Variants in KCNH3 observed in about 807,000 individuals in gnomAD.
KCNH3 encodes potassium voltage-gated channel subfamily H member 3.
In KCNH3, 36 loss-of-function variants were observed where a neutral mutation model predicts 95.6. The observed-to-expected ratio is 0.38, with a 90% CI of 0.29 to 0.50. The LOEUF is 0.50. Ranked by LOEUF, KCNH3 falls within the 20% of genes least tolerant of loss-of-function variation. KCNH3 has a pLI of 0.95. For missense variants in KCNH3, 1,030 were observed against 1,484.1 expected, an observed-to-expected ratio of 0.69 and a Z score of 5.03; for synonymous variants, 620 against 646.3, an observed-to-expected ratio of 0.96 and a Z score of 0.62.
At chr12:49,552,095 A>G (rs1938283643) in intron 10 of KCNH3, among the ~76,000 whole-genome samples, 1 of 152,240 alleles carries the variant, frequency 6.6e-6, no homozygotes, top group African/African-American at 2.4e-5. Context: ...AGTTAAGTGT[A>G]GCTGGCAATC....
At chr12:49,555,058 G>T (rs17123778) in intron 11 of KCNH3, among the ~76,000 whole-genome samples, 1 of 152,110 alleles carries the variant, frequency 6.6e-6, no homozygotes, top group Non-Finnish European at 1.5e-5. Context: ...ACCTGGTAGA[G>T]GAGTGGTGGT....
rs1565772413 is a variant in KCNH3, at chr12:49,539,682, G to C, written c.76+190G>C. Among the ~76,000 whole-genome samples, 2 of 152,156 alleles carry C rather than the reference G, an allele frequency of 1.3e-5. No homozygotes were observed. Among genetic ancestry groups the C allele is most frequent in the African/African-American group, 2.4e-5 (1 of 41,426 alleles). ...TTTCCCCGAAGGTTCGAAGGTTCGG[G>C]GTCAACACTGCTTCAGGCGAGGCAA... On this transcript the variant is annotated intron_variant, in intron 1 of 14. Transcript: ENST00000257981. The surrounding 1 kb of genome is among the most constrained non-coding windows in gnomAD (Gnocchi z 6.7).
In KCNH3 at chr12:49,539,300, C is replaced by T. The variant is rs1297787052; in HGVS notation, c.-117C>T. ...GGATCCCGGTCTGCGCATTGCCCCC[C>T]GACGGCTGCGCTAGGGAGCGCGGGG... On this transcript the variant is annotated 5_prime_UTR_variant, in exon 1 of 15. An upstream open reading frame in the 5' UTR gains an earlier in-frame stop. Transcript: ENST00000257981. This position sits in a 1 kb window ranked among gnomAD's most constrained non-coding sequence, Gnocchi z 6.7. The T allele has an allele frequency of 2.1e-6, 1 of 483,594 alleles. No homozygotes were observed. The highest frequency in any genetic ancestry group is 3.1e-6 in the Non-Finnish European group (1 of 319,114). The allele number at this position is 483,594 out of a possible 1,614,324, so 30.0% of individuals were successfully genotyped here. A position where few individuals can be genotyped will look rare whatever the true frequency, so the allele number is the denominator to read the frequency against.
At chr12:49,554,043 G>T (rs1230838179) in intron 10 of KCNH3, among the ~76,000 whole-genome samples, 1 of 152,238 alleles carries the variant, frequency 6.6e-6, no homozygotes, top group Non-Finnish European at 1.5e-5. Context: ...CTGATGTTCA[G>T]TCTCTCTCAG....
chr12:49,540,568 G>T (rs1468291075), intron 1 of KCNH3, among the ~76,000 whole-genome samples: 1 of 152,146 alleles, frequency 6.6e-6, no homozygotes, highest in Non-Finnish European at 1.5e-5. Context: ...CCCAGAGCTG[G>T]CAGGGCAGTC....
chr12:49,556,739 C>T (rs1391034194), intron 13 of KCNH3: 2 of 684,870 alleles, frequency 2.9e-6, no homozygotes, highest in African/African-American at 3.5e-5. Context: ...TTCTCTGGCC[C>T]CAGCTTCCTG....
At position 49,557,516 on chromosome 12, in the gene KCNH3, T is replaced by C. The variant is rs958276892; in HGVS notation, c.2815T>C (p.Cys939Arg). The change falls in exon 15 of 15, where the codon TGT becomes CGT. Residue 939 changes from cysteine (C) to arginine (R), a missense_variant. Coordinates refer to ENST00000257981, the MANE Select transcript of KCNH3 (RefSeq NM_012284.3). ...CACCTCCGGGCTTCTGCAGCCTCTG[T>C]GTGTGGACACTGGGGCATCCTCCTA... ...ASTSGLLQPL[C>R]VDTGASSYCL... is the part of the protein sequence containing the mutation. 2.5e-6 allele frequency: 4 copies of C among 1,611,770 alleles called. No individual in the cohort carries two copies.
At chr12:49,541,963 A>T (rs550898168) in intron 3 of KCNH3, among the ~76,000 whole-genome samples, 199 bp downstream of exon 3, 3 of 152,344 alleles carry the variant, frequency 2.0e-5, no homozygotes. Context: ...ACAGATTGAG[A>T]CAAAGTTGGA....
chr12:49,557,035 T>C, intron 13 of KCNH3, 148 bp from the exon 14 acceptor site: 1 of 771,988 alleles, frequency 1.3e-6, no homozygotes. Context: ...TGGGCAAAAT[T>C]CAGCACCTTG....
In KCNH3 at chr12:49,555,775, T is replaced by C. The variant is rs1938418894; in HGVS notation, c.2292T>C (p.Ala764=). Residue 764 remains alanine, a synonymous_variant, in exon 12 of 15, where the codon GCT becomes GCC. Coordinates refer to ENST00000257981, the MANE Select transcript of KCNH3 (RefSeq NM_012284.3). ...LSPGCTSSSS[A]AKLLSPRRTA... The stretch of plus-strand genomic sequence containing the variant: ...CTGGCTGCACCTCCTCATCCTCAGC[T>C]GCCAAGCTGCTATCCCCACGTCGAA... 1 of 1,613,672 alleles carries C rather than the reference T, an allele frequency of 6.2e-7. No individual in the cohort carries two copies. Among genetic ancestry groups the C allele is most frequent in the Non-Finnish European group, 8.5e-7 (1 of 1,179,916 alleles).
intron 6 of KCNH3, 25 bp from the exon 7 acceptor site, chr12:49,544,150 C>G: frequency 1.4e-6 from 1 of 690,450 alleles, no homozygotes; most frequent in Non-Finnish European, 2.5e-6. Flanking sequence ...CTCCCTCCCT[C>G]CCTCCCTCCC....
intron 7 of KCNH3, among the ~76,000 whole-genome samples, chr12:49,548,110 G>A (rs1003541185): frequency 1.8e-4 from 28 of 151,670 alleles, no homozygotes; most frequent in African/African-American, 6.3e-4. Context: ...GTGTGTGTGT[G>A]TGTGTGTGTG....
chr12:49,549,532 C>CCTGCG lies in KCNH3; in HGVS notation c.1562_1566dup (p.Asp523CysfsTer28). 6.2e-7 allele frequency: 1 copy of CCTGCG among 1,613,682 alleles called. No individual in the cohort carries two copies. ...TTCTGTACCACAGCCGCACGCGCGACCTGCGCGACTACATCCGCATCCACC... is the reference window on the plus strand; with the variant it reads ...TTCTGTACCACAGCCGCACGCGCGACCTGCGCTGCGCGACTACATCCGCATCCACC... On this transcript the variant is annotated frameshift_variant, in exon 9 of 15. Transcript: ENST00000257981. LOFTEE classifies it high-confidence loss of function.
intron 7 of KCNH3, among the ~76,000 whole-genome samples, chr12:49,547,079 G>C (rs1208613584): frequency 6.6e-6 from 1 of 152,066 alleles, no homozygotes; most frequent in Admixed American, 6.5e-5. Flanking sequence ...ATTTTTAGTA[G>C]AGATGGGGTT....
rs891243733 is a variant in KCNH3, at chr12:49,539,565, C to G, written c.76+73C>G. On this transcript the variant is annotated intron_variant, in intron 1 of 14. Coordinates refer to ENST00000257981, the MANE Select transcript of KCNH3 (RefSeq NM_012284.3). This position sits in a 1 kb window ranked among gnomAD's most constrained non-coding sequence, Gnocchi z 6.7. Reference sequence around the variant, plus strand: ...CAGGGCTCCCGCCTTCCCCGAACCCCCAGCAGCCCAGCTTGGCGCCAGCCT... The same window carrying G: ...CAGGGCTCCCGCCTTCCCCGAACCCGCAGCAGCCCAGCTTGGCGCCAGCCT... 87 of 1,337,564 alleles carry G rather than the reference C, an allele frequency of 6.5e-5. No individual in the cohort carries two copies. In the African/African-American group the frequency reaches 1.1e-3, roughly 17 times the overall value. 82.9% of individuals were successfully genotyped at this position (1,337,564 alleles called of 1,614,324 possible).
At chr12:49,553,035 T>G (rs1446965932) in intron 10 of KCNH3, among the ~76,000 whole-genome samples, 4 of 152,210 alleles carry the variant, frequency 2.6e-5, no homozygotes, top group Non-Finnish European at 4.4e-5. Flanking sequence ...GCCATCCTTT[T>G]TGAAACACTT....
At chr12:49,550,602 C>G (rs1311963819) in intron 10 of KCNH3, among the ~76,000 whole-genome samples, 3 of 152,172 alleles carry the variant, frequency 2.0e-5, no homozygotes, top group Non-Finnish European at 2.9e-5. Context: ...CTATGGGGGA[C>G]AGAGGGGAGC....
At chr12:49,543,725 TC>T in intron 5 of KCNH3, 189 bp from the exon 6 acceptor site, 1 of 1,017,540 alleles carries the variant, frequency 9.8e-7, no homozygotes. Context: ...TCTCTGAGCC[TC>T]CATAAAATAG....
In KCNH3 at chr12:49,542,759, C is replaced by T. The variant is rs1199620983; in HGVS notation, c.499C>T (p.Arg167Trp). 22 of 1,591,152 alleles carry T rather than the reference C, an allele frequency of 1.4e-5. No homozygotes were observed. Among genetic ancestry groups the T allele is most frequent in the South Asian group, 2.3e-5 (2 of 87,284 alleles). The change falls in exon 4 of 15, where the codon CGG becomes TGG. Residue 167 changes from arginine (R) to tryptophan (W), a missense_variant. Physicochemically the swap from Arg to Trp is moderately radical, Grantham distance 101 (BLOSUM62 -3). This residue lies in a region of KCNH3 where 92 missense variants were observed against 92.7 expected (regional missense o/e 0.99). Transcript: ENST00000257981. Reference protein sequence around the residue: ...RARSKGFNANRRRSRAVLYHL... With the variant: ...RARSKGFNANWRRSRAVLYHL... ...ACGATCCAAAGGCTTCAATGCCAAC[C>T]GGCGGCGGAGCCGGGCCGTGCTCTA... is the stretch of plus-strand genomic sequence containing the variant.
Sources: allele counts gnomAD v4.1 joint callset (sites outside exome capture counted in the v4.1 genomes callset), GRCh38; gene constraint gnomAD v4.1.1; regional missense constraint gnomAD v4.1.1; non-coding constraint Gnocchi (gnomAD v3.1); transcripts MANE v1.5; gene names NCBI Gene and HGNC (gene_info 2026-07-23, HGNC 2026-07-21).